Variants in TUT4 observed in about 807,000 individuals in gnomAD.
TUT4 encodes the protein terminal uridylyl transferase 4, also known as terminal uridylyltransferase 4.
Under a neutral mutation model 192.2 loss-of-function variants are expected in TUT4, and 36 were observed. The ratio of observed to expected loss-of-function variants is 0.19; its 90% confidence interval spans 0.14 to 0.25. The LOEUF is 0.25. TUT4 is among the 10% of genes least tolerant of loss of function. The pLI is 1.00. For synonymous variants in TUT4, 618 were observed against 666.0 expected (o/e 0.93, Z 1.11); for missense variants, 1,493 against 1,957.2 (o/e 0.76, Z 4.47).
intron 4 of TUT4, 148 bp downstream of exon 4, chr1:52,509,444 TAAGG>T: frequency 1.7e-6 from 1 of 592,204 alleles, no homozygotes; most frequent in Non-Finnish European, 3.0e-6. Context: ...TTATCTCAGA[TAAGG>T]AAGGCAACAA....
At chr1:52,510,920 C>T (rs556945312) in intron 3 of TUT4, among the ~76,000 whole-genome samples, 36 of 152,178 alleles carry the variant, frequency 2.4e-4, no homozygotes, top group Non-Finnish European at 2.4e-4. Flanking sequence ...TACAAACACA[C>T]AATAAATACA....
At chr1:52,473,077 C>T (rs1666200882) in intron 13 of TUT4, among the ~76,000 whole-genome samples, 1 of 152,032 alleles carries the variant, frequency 6.6e-6, no homozygotes, top group Admixed American at 6.6e-5. Context: ...AACAACAGTA[C>T]TTACCCTAAG....
intron 14 of TUT4, among the ~76,000 whole-genome samples, chr1:52,469,798 G>A (rs1310058701): frequency 1.3e-5 from 2 of 150,866 alleles, no homozygotes. Context: ...GCTGAGGCAG[G>A]AGAAATGGCT....
At chr1:52,551,051 T>G (rs1689300620) in intron 1 of TUT4, among the ~76,000 whole-genome samples, 1 of 152,226 alleles carries the variant, frequency 6.6e-6, no homozygotes, top group Non-Finnish European at 1.5e-5. Flanking sequence ...CAGAGAAATT[T>G]ATAATTATAC....
At chr1:52,470,015 T>G (rs903390398) in intron 14 of TUT4, among the ~76,000 whole-genome samples, 1 of 152,020 alleles carries the variant, frequency 6.6e-6, no homozygotes, top group South Asian at 2.1e-4. Context: ...GACAGCCCAG[T>G]AACAGCAAGC....
At chr1:52,447,477 C>CAAA (rs576050725) in intron 20 of TUT4, among the ~76,000 whole-genome samples, 3 of 113,360 alleles carry the variant, frequency 2.6e-5, no homozygotes, top group Non-Finnish European at 5.5e-5. Context: ...AACAAAAAAA[C>CAAA]AAAAAAAAAA....
At chr1:52,531,885 CTTTTTTTTTTTTTTT>C (rs1158088077) in intron 1 of TUT4, among the ~76,000 whole-genome samples, 4 of 80,806 alleles carry the variant, frequency 5.0e-5, no homozygotes, top group Non-Finnish European at 6.8e-5. Flanking sequence ...CTTTTCTCAT[CTTTTTTTTTTTTTTT>C]TTTTTTTTTT....
chr1:52,444,925 GTATATATATGTA>G (rs1656964563), intron 24 of TUT4, among the ~76,000 whole-genome samples: 1 of 125,696 alleles, frequency 8.0e-6, no homozygotes, highest in Non-Finnish European at 1.5e-5. Context: ...ACATGTATGT[GTATATATATGTA>G]TATACATGTA....
chr1:52,461,434 A>G (rs1557721609), intron 18 of TUT4, 79 bp downstream of exon 18: 32 of 1,390,424 alleles, frequency 2.3e-5, no homozygotes, highest in Middle Eastern at 1.9e-4. Context: ...TTCACATTTG[A>G]AAGTTTTAAA....
intron 3 of TUT4, among the ~76,000 whole-genome samples, chr1:52,510,212 T>A (rs1676740567): frequency 6.7e-6 from 1 of 148,750 alleles, no homozygotes; most frequent in South Asian, 2.1e-4. Flanking sequence ...CTCTGGTGGC[T>A]GAGGTGGAAG....
chr1:52,512,098 G>A (rs940383338), intron 3 of TUT4, among the ~76,000 whole-genome samples: 4 of 152,136 alleles, frequency 2.6e-5, no homozygotes, highest in African/African-American at 9.7e-5. Flanking sequence ...TAAAATGTTA[G>A]CAGACCAAAG....
intron 13 of TUT4, among the ~76,000 whole-genome samples, chr1:52,474,272 T>TC (rs1476848784): frequency 6.6e-6 from 1 of 152,204 alleles, no homozygotes; most frequent in Non-Finnish European, 1.5e-5. Context: ...AAGTTTGGAT[T>TC]CCTGTAATTC....
chr1:52,467,302 CA>C (rs1664497154), intron 15 of TUT4, among the ~76,000 whole-genome samples: 2 of 152,100 alleles, frequency 1.3e-5, no homozygotes, highest in Non-Finnish European at 2.9e-5. Flanking sequence ...TATTTAGTCA[CA>C]AAAATCTTGA....
intron 3 of TUT4, among the ~76,000 whole-genome samples, chr1:52,512,416 T>G (rs1677428312): frequency 6.6e-6 from 1 of 152,224 alleles, no homozygotes; most frequent in Non-Finnish European, 1.5e-5. Flanking sequence ...AGTAAACTGA[T>G]GTTTAAAGAA....
chr1:52,455,464 C>G (rs552411353), intron 20 of TUT4, among the ~76,000 whole-genome samples: 8 of 151,740 alleles, frequency 5.3e-5, no homozygotes, highest in African/African-American at 1.9e-4. Flanking sequence ...AAAAAATTAG[C>G]TGGGCTTGGT....
intron 9 of TUT4, among the ~76,000 whole-genome samples, chr1:52,485,818 AT>A (rs1669652839): frequency 6.6e-6 from 1 of 152,026 alleles, no homozygotes; most frequent in Non-Finnish European, 1.5e-5. Flanking sequence ...TCATTTGCTT[AT>A]ATTTCATTTA....
Position 52,475,266 on chromosome 1 carries a change from G to T in TUT4, c.2293C>A (p.Gln765Lys), listed in dbSNP as rs1468562542. 5 of 1,614,062 alleles carry T rather than the reference G, an allele frequency of 3.1e-6. No homozygotes were observed. The East Asian group carries it at 1.1e-4, about 36-fold the overall frequency. The change falls in exon 13 of 30, where the codon CAA (glutamine) becomes AAA (lysine). Residue 765 changes from glutamine to lysine, a missense_variant. Transcript: ENST00000257177. Reference protein sequence around the residue: ...KINAEREQPVQCDEMDCTSQR... With the variant: ...KINAEREQPVKCDEMDCTSQR... ...GATGTACAGTCCATTTCATCACATT[G>T]AACAGGTTGCTCTCTTTCTGCATTT...
chr1:52,505,236 T>A (rs975434883), intron 4 of TUT4, among the ~76,000 whole-genome samples: 1 of 152,150 alleles, frequency 6.6e-6, no homozygotes, highest in Admixed American at 6.5e-5. Flanking sequence ...TCTTTCATAC[T>A]TAAGTATGAT....
At chr1:52,459,309 C>A (rs1204732694) in intron 19 of TUT4, among the ~76,000 whole-genome samples, 1 of 151,218 alleles carries the variant, frequency 6.6e-6, no homozygotes, top group Admixed American at 6.6e-5. Context: ...AACAAGGAAG[C>A]CAGACATGGT....
Sources: allele counts gnomAD v4.1 joint callset (sites outside exome capture counted in the v4.1 genomes callset), GRCh38; gene constraint gnomAD v4.1.1; transcripts MANE v1.5; gene names NCBI Gene and HGNC (gene_info 2026-07-23, HGNC 2026-07-21).